PSG6: variants seen among roughly 807,000 people sequenced by gnomAD.
PSG6 encodes the protein pregnancy-specific beta-1-glycoprotein 6.
A neutral mutation model predicts 43.3 loss-of-function variants in PSG6; 51 were observed. The ratio of observed to expected loss-of-function variants is 1.18; its 90% CI spans 0.94 to 1.49. The LOEUF (loss-of-function observed/expected upper bound fraction) is 1.49, where lower values mean the gene tolerates loss of function less well. Ranked by LOEUF, PSG6 falls within the 40% of genes most tolerant of loss-of-function variation. The pLI, the probability that PSG6 is intolerant of heterozygous loss-of-function variation, is 0.00. For missense variants in PSG6, 770 were observed against 522.2 expected, an observed-to-expected ratio of 1.47 and a Z score of -4.62; for synonymous variants, 292 against 197.6, an observed-to-expected ratio of 1.48 and a Z score of -4.01.
At chr19:42,906,813 G>T (rs1483302889) in intron 5 of PSG6, 109 bp downstream of exon 5, 1 of 1,604,310 alleles carries the variant, frequency 6.2e-7, no homozygotes, top group Middle Eastern at 2.2e-4. Context: ...GGATTTGCTT[G>T]TGCCCATGGG....
chr19:42,907,855 C>A lies in PSG6; in HGVS notation c.707-1G>T. 1 of 1,610,564 alleles carries A rather than the reference C, an allele frequency of 6.2e-7. No homozygotes were observed. Among genetic ancestry groups the A allele is most frequent in the Admixed American group, 1.7e-5 (1 of 59,874 alleles). ...GTGATGTAAGGCATGGGCAGCTTCG[C>A]TGTGTGGATAACAGAAGATTGTCCT... On this transcript the variant is annotated splice_acceptor_variant, in intron 3 of 5. Transcript: ENST00000187910. LOFTEE classifies it high-confidence loss of function.
Position 42,912,729 on chromosome 19 carries a change from A to C in PSG6, c.428-1871T>G, listed in dbSNP as rs575980624. Among the ~76,000 whole-genome samples the C allele has an allele frequency of 4.4e-4, 67 of 151,858 alleles. 1 individual carries two copies. Among genetic ancestry groups the C allele is most frequent in the Non-Finnish European group, 8.4e-4 (57 of 67,928 alleles). ...GGTCAGGAAACACCACTAAAATTTA[A>C]GTTTGTGTGAATTAGGAAGAGTCTA... On this transcript the variant is annotated intron_variant, in intron 2 of 5. Transcript: ENST00000187910.
intron 4 of PSG6, 131 bp downstream of exon 4, chr19:42,907,445 G>A (rs1568442693): frequency 5.2e-6 from 8 of 1,525,804 alleles, no homozygotes; most frequent in Non-Finnish European, 4.4e-6. Context: ...AGGGCAGGGA[G>A]TCATGGCCAG....
At chr19:42,912,518 T>C (rs1183119081) in intron 2 of PSG6, among the ~76,000 whole-genome samples, 1 of 151,720 alleles carries the variant, frequency 6.6e-6, no homozygotes, top group African/African-American at 2.4e-5. Flanking sequence ...GAGAGTCCTG[T>C]TAAAAGGACC....
rs766119750 is a variant in PSG6, at chr19:42,910,625, G to A, written c.661C>T (p.Pro221Ser). 4 of 1,612,448 alleles carry A rather than the reference G, an allele frequency of 2.5e-6. No individual in the cohort carries two copies. The highest frequency in any genetic ancestry group is 3.4e-6 in the Non-Finnish European group (4 of 1,179,266). ...GGGTCACTGCGGCTGGCACTCACTG[G>A]GTTCCGTATTTCACATTCATAGGGT... ...AGPYECEIRN[P>S]VSASRSDPVT... Residue 221 changes from proline to serine, a missense_variant, in exon 3 of 6, where the codon CCA (proline) becomes TCA (serine). Coordinates refer to ENST00000187910, the MANE Select transcript of PSG6 (RefSeq NM_001031850.4).
At chr19:42,915,774 C>G in intron 2 of PSG6, 1 of 425,448 alleles carries the variant, frequency 2.4e-6, no homozygotes, top group Non-Finnish European at 4.1e-6. Flanking sequence ...GAGGGTATCT[C>G]AGTGGGCCCC....
rs535249170 is a variant in PSG6, at chr19:42,909,470, T to G, written c.706+1110A>C. Among the ~76,000 whole-genome samples, 19 of 151,768 alleles carry G rather than the reference T, an allele frequency of 1.3e-4. 1 individual carries two copies. In the South Asian group the frequency reaches 3.8e-3, roughly 30 times the overall value. ...GCAAAAAATGTTACTGGGATTCTGG[T>G]AGGGGTTGCATTGAATCTGCAACTC... On this transcript the variant is annotated intron_variant, in intron 3 of 5. Transcript: ENST00000187910.
chr19:42,909,642 C>T (rs1487423708), intron 3 of PSG6: 2 of 151,774 alleles, frequency 1.3e-5, no homozygotes, highest in East Asian at 3.9e-4. Flanking sequence ...TTTGGTTAAA[C>T]TTATTCCAAA....
chr19:42,915,363 GA>G (rs1296110351), intron 2 of PSG6: 1 of 151,902 alleles, frequency 6.6e-6, no homozygotes, highest in Non-Finnish European at 1.5e-5. Context: ...TTGCTTCCAT[GA>G]GAAAGCACCT....
chr19:42,904,222 T>G lies in PSG6; in HGVS notation c.1241-1776A>C, dbSNP rs971020060. ...CATAACAGAGAAAGACTGAAAACTT[T>G]CCCTGTATGAGCAGGAAAAGACAAG... On this transcript the variant is annotated intron_variant, in intron 5 of 5. Coordinates refer to ENST00000187910, the MANE Select transcript of PSG6 (RefSeq NM_001031850.4). 3.3e-5 allele frequency among the ~76,000 whole-genome samples: 5 copies of G among 151,684 alleles called. 1 individual carries two copies. Among genetic ancestry groups the G allele is most frequent in the Non-Finnish European group, 7.4e-5 (5 of 67,898 alleles).
chr19:42,914,904 G>C (rs185095394), intron 2 of PSG6, among the ~76,000 whole-genome samples: 1 of 151,634 alleles, frequency 6.6e-6, no homozygotes, highest in Admixed American at 6.6e-5. Context: ...AGTGATGGAG[G>C]TTAAGATCTG....
In PSG6 at chr19:42,907,747, A is replaced by C; in HGVS notation, c.814T>G (p.Trp272Gly). 6.2e-7 allele frequency: 1 copy of C among 1,610,854 alleles called. No individual in the cohort carries two copies. Among genetic ancestry groups the C allele is most frequent in the East Asian group, 2.2e-5 (1 of 44,808 alleles). Residue 272 changes from tryptophan (W) to glycine (G), a missense_variant, in exon 4 of 6, where the codon TGG (tryptophan) becomes GGG (glycine). Trp to Gly is a radical substitution (Grantham distance 184). Coordinates refer to ENST00000187910, the MANE Select transcript of PSG6 (RefSeq NM_001031850.4). Reference sequence around the variant, plus strand: ...GGGAGGCTCTGACCATTTAGCCACCAAATGTAGGTGTAGTTCCGACTCTTA... The same window carrying C: ...GGGAGGCTCTGACCATTTAGCCACCCAATGTAGGTGTAGTTCCGACTCTTA... ...EPKSRNYTYI[W>G]WLNGQSLPVS...
chr19:42,910,811 C>A lies in PSG6; in HGVS notation c.475G>T (p.Glu159Ter). ...SISSSNLNPR[E>*]VMEAVRLICD... ...ATTAAGCGCACAGCCTCCATGACCT[C>A]CCTGGGGTTTAAGTTGCTGCTGGAG... Residue 159 changes from glutamate (E) to a stop codon, truncating the protein, a stop_gained, in exon 3 of 6, where the codon GAG becomes TAG. Transcript: ENST00000187910. LOFTEE classifies it high-confidence loss of function. The A allele has an allele frequency of 6.2e-6, 10 of 1,612,090 alleles. 1 individual carries two copies. The highest frequency in any genetic ancestry group is 8.5e-6 in the Non-Finnish European group (10 of 1,179,098).
intron 5 of PSG6, among the ~76,000 whole-genome samples, chr19:42,904,727 G>A (rs1972085852): frequency 6.6e-6 from 1 of 151,612 alleles, no homozygotes; most frequent in African/African-American, 2.4e-5. Flanking sequence ...AAAGTGAGCT[G>A]CAGATTCAAT....
Position 42,917,799 on chromosome 19 carries a change from T to C in PSG6, c.-7A>G. ...GGGCTGAGAGGGGTCCCATGGTCTC[T>C]GCTGTCTGTGTGTTCTCCCCTGTGG... On this transcript the variant is annotated 5_prime_UTR_variant, in exon 1 of 6. Coordinates refer to ENST00000187910, the MANE Select transcript of PSG6 (RefSeq NM_001031850.4). The C allele has an allele frequency of 6.2e-7, 1 of 1,608,750 alleles. No homozygotes were observed. Among genetic ancestry groups the C allele is most frequent in the Non-Finnish European group, 8.5e-7 (1 of 1,177,112 alleles).
rs368368863 is a variant in PSG6, at chr19:42,916,361, C to A, written c.191G>T (p.Gly64Val). 1 of 1,612,034 alleles carries A rather than the reference C, an allele frequency of 6.2e-7. No individual in the cohort carries two copies. Among genetic ancestry groups the A allele is most frequent in the Non-Finnish European group, 8.5e-7 (1 of 1,179,120 alleles). ...CATTTGCCCTTTGTACCAGATGTAG[C>A]CAGTAAGATTCTGGGGCAAATTGTG... ...LVHNLPQNLT[G>V]YIWYKGQMTD... The change falls in exon 2 of 6, where the codon GGC becomes GTC. Residue 64 changes from glycine (G) to valine (V), a missense_variant. Physicochemically the swap from Gly to Val is moderately radical, Grantham distance 109. Coordinates refer to ENST00000187910, the MANE Select transcript of PSG6 (RefSeq NM_001031850.4).
At position 42,915,132 on chromosome 19, in the gene PSG6, A is replaced by G. The variant is rs575807366; in HGVS notation, c.427+993T>C. Among the ~76,000 whole-genome samples the G allele has an allele frequency of 8.7e-4, 132 of 151,612 alleles. 2 individuals are homozygous for G. Among genetic ancestry groups the G allele is most frequent in the African/African-American group, 3.1e-3 (130 of 41,368 alleles). ...GGAGAGGATGGGCCTGTGGCTGCAGACAGACCTCATGTGACCCCGATCTCC... is the reference window on the plus strand; with the variant it reads ...GGAGAGGATGGGCCTGTGGCTGCAGGCAGACCTCATGTGACCCCGATCTCC... On this transcript the variant is annotated intron_variant, in intron 2 of 5. Coordinates refer to ENST00000187910, the MANE Select transcript of PSG6 (RefSeq NM_001031850.4).
Position 42,905,431 on chromosome 19 carries a change from T to A in PSG6, c.1240+1491A>T, listed in dbSNP as rs145371991. ...ACAGCAACACTAAACAACAGGTGTT[T>A]CCAAGTAGATGGAAAAATTGGAGCT... On this transcript the variant is annotated intron_variant, in intron 5 of 5. Transcript: ENST00000187910. Among the ~76,000 whole-genome samples the A allele has an allele frequency of 4.4e-3, 666 of 151,776 alleles. 10 individuals carry two copies. Among genetic ancestry groups the A allele is most frequent in the African/African-American group, 0.015 (639 of 41,364 alleles).
intron 5 of PSG6, among the ~76,000 whole-genome samples, chr19:42,906,397 G>A (rs1972112564): frequency 6.6e-6 from 1 of 151,390 alleles, no homozygotes; most frequent in South Asian, 2.1e-4. Flanking sequence ...TCCACCCCAG[G>A]TGGAGTCAGG....
Sources: allele counts gnomAD v4.1 joint callset (sites outside exome capture counted in the v4.1 genomes callset), GRCh38; gene constraint gnomAD v4.1.1; transcripts MANE v1.5; gene names NCBI Gene and HGNC (gene_info 2026-07-23, HGNC 2026-07-21).